The following KNCN variants were observed in gnomAD, a reference collection of about 807,000 sequenced individuals.
KNCN encodes kinocilin.
In KNCN, 11 loss-of-function variants were observed where a neutral mutation model predicts 10.4. The observed-to-expected ratio is 1.06, with a 90% CI of 0.67 to 1.75. KNCN has a LOEUF of 1.75. Among genes scored for constraint, KNCN ranks in the 40% most tolerant of loss-of-function variants. The pLI is 0.00. For synonymous variants in KNCN, 67 were observed against 71.6 expected, an observed-to-expected ratio of 0.94 and a Z score of 0.33; for missense variants, 172 against 167.1, an observed-to-expected ratio of 1.03 and a Z score of -0.16.
In KNCN at chr1:46,547,394, A is replaced by G. The variant is rs1381861149; in HGVS notation, c.*336T>C. On this transcript the variant is annotated 3_prime_UTR_variant, in exon 4 of 4. Transcript: ENST00000481882. Reference sequence around the variant, plus strand: ...GTCATAGTCAGGGCCTTGGACCCCAAATTCCAGAGAAACAAATCAGTAGAT... The same window carrying G: ...GTCATAGTCAGGGCCTTGGACCCCAGATTCCAGAGAAACAAATCAGTAGAT... 1 of 530,690 alleles carries G rather than the reference A, an allele frequency of 1.9e-6. No individual in the cohort carries two copies. The highest frequency in any genetic ancestry group is 3.6e-6 in the Non-Finnish European group (1 of 274,966). The allele number at this position is 530,690 out of a possible 1,614,324, so 32.9% of individuals were successfully genotyped here.
intron 3 of KNCN, 42 bp from the exon 4 acceptor site, chr1:46,547,851 G>A: frequency 7.2e-7 from 1 of 1,381,088 alleles, no homozygotes; most frequent in Non-Finnish European, 9.6e-7. Flanking sequence ...CCGTAGACAG[G>A]TCCCCATGGA....
intron 3 of KNCN, among the ~76,000 whole-genome samples, chr1:46,548,670 A>T (rs1363718494): frequency 6.6e-6 from 1 of 152,162 alleles, no homozygotes; most frequent in Non-Finnish European, 1.5e-5. Context: ...GCTGGGCAAG[A>T]CAGAAGCCCT....
chr1:46,551,607 T>G lies in KNCN; in HGVS notation c.-392A>C, dbSNP rs567938686. 2.4e-5 allele frequency: 4 copies of G among 164,010 alleles called. No homozygotes were observed. Among genetic ancestry groups the G allele is most frequent in the Non-Finnish European group, 3.9e-5 (3 of 76,366 alleles). 10.2% of individuals were successfully genotyped at this position (164,010 alleles called of 1,614,324 possible). On this transcript the variant is annotated 5_prime_UTR_variant, in exon 1 of 4. Coordinates refer to ENST00000481882, the MANE Select transcript of KNCN (RefSeq NM_001322255.2). This position sits in a 1 kb window ranked among gnomAD's most constrained non-coding sequence, Gnocchi z 4.0. ...CCACCCAGGAGAGTTCAAGCTCCCC[T>G]GCCCAGGACATCCTGCCCCAGCTTC... is the stretch of plus-strand genomic sequence containing the variant.
In KNCN at chr1:46,551,387, C is replaced by T; in HGVS notation, c.-172G>A. 1.6e-6 allele frequency: 1 copy of T among 625,476 alleles called. No homozygotes were observed. The highest frequency in any genetic ancestry group is 2.4e-5 in the South Asian group (1 of 42,466). The allele number at this position is 625,476 out of a possible 1,614,324, so 38.7% of individuals were successfully genotyped here. A position where few individuals can be genotyped will look rare whatever the true frequency, so the allele number is the denominator to read the frequency against. ...CTGGGATTTATCTGCAGTCCTATTCCACTGCTCCACTACGGGCCCCCCAGT... is the reference window on the plus strand; with the variant it reads ...CTGGGATTTATCTGCAGTCCTATTCTACTGCTCCACTACGGGCCCCCCAGT... On this transcript the variant is annotated 5_prime_UTR_variant, in exon 1 of 4. Transcript: ENST00000481882. This position sits in a 1 kb window ranked among gnomAD's most constrained non-coding sequence, Gnocchi z 4.0.
At position 46,551,093 on chromosome 1, in the gene KNCN, G is replaced by A. The variant is rs759454817; in HGVS notation, c.123C>T (p.Gly41=). Residue 41 remains glycine (G), a synonymous_variant, in exon 1 of 4, where the codon GGC becomes GGT. Coordinates refer to ENST00000481882, the MANE Select transcript of KNCN (RefSeq NM_001322255.2). This position sits in a 1 kb window ranked among gnomAD's most constrained non-coding sequence, Gnocchi z 4.0. ...GAACAGCAGCGCCAATAAAGACACCGCCCATGGCAGCTGCAGCCTTGGATA... is the reference window on the plus strand; with the variant it reads ...GAACAGCAGCGCCAATAAAGACACCACCCATGGCAGCTGCAGCCTTGGATA... ...ISVSKAAAAM[G]GVFIGAAVLG... 1.7e-5 allele frequency: 27 copies of A among 1,607,484 alleles called. No homozygotes were observed. The highest frequency in any genetic ancestry group is 5.5e-5 in the South Asian group (5 of 90,208).
At chr1:46,550,885 C>T (rs916927256) in intron 1 of KNCN, among the ~76,000 whole-genome samples, 180 bp downstream of exon 1, 1 of 152,120 alleles carries the variant, frequency 6.6e-6, no homozygotes, top group Non-Finnish European at 1.5e-5. Flanking sequence ...GAAGGAGCCC[C>T]AGCGCGTCGC....
At chr1:46,548,074 GC>G (rs1557804787) in intron 3 of KNCN, among the ~76,000 whole-genome samples, 1 of 152,226 alleles carries the variant, frequency 6.6e-6, no homozygotes, top group East Asian at 1.9e-4. Flanking sequence ...CCTGGTTTGA[GC>G]TTTGACTGCC....
chr1:46,547,752 G>GTCCCCGGC lies in KNCN; in HGVS notation c.345_352dup (p.Thr118SerfsTer117). 2.0e-6 allele frequency: 3 copies of GTCCCCGGC among 1,482,390 alleles called. No homozygotes were observed. Among genetic ancestry groups the GTCCCCGGC allele is most frequent in the Non-Finnish European group, 2.7e-6 (3 of 1,117,218 alleles). 91.8% of individuals were successfully genotyped at this position (1,482,390 alleles called of 1,614,324 possible). ...GCCTCAGCATTCCTCAGCCCCCCGG[G>GTCCCCGGC]TCCCCGGCTTCAGCTTCTCCAGGGT... On this transcript the variant is annotated frameshift_variant, in exon 4 of 4. Transcript: ENST00000481882. LOFTEE classifies it high-confidence loss of function.
In KNCN at chr1:46,549,914, G is replaced by A. The variant is rs774010519; in HGVS notation, c.220+20C>T. The A allele has an allele frequency of 2.6e-6, 4 of 1,550,468 alleles. No individual in the cohort carries two copies. The highest frequency in any genetic ancestry group is 2.6e-6 in the Non-Finnish European group (3 of 1,146,970). On this transcript the variant is annotated intron_variant, in intron 2 of 3. Transcript: ENST00000481882. ...CAGTCCTTGGCAGAGGGGTCTGCTG[G>A]GGTCAGGGAGAGGCCTCACCTATGG...
rs1211696689 is a variant in KNCN, at chr1:46,547,457, A to T, written c.*273T>A. On this transcript the variant is annotated 3_prime_UTR_variant, in exon 4 of 4. Transcript: ENST00000481882. Reference sequence around the variant, plus strand: ...AAAGCTGAGCTGCAGTCCAGAAAGAAAGGCCAGGGCAGGAGCCTGAAACAT... The same window carrying T: ...AAAGCTGAGCTGCAGTCCAGAAAGATAGGCCAGGGCAGGAGCCTGAAACAT... 2 of 672,258 alleles carry T rather than the reference A, an allele frequency of 3.0e-6. No homozygotes were observed. Among genetic ancestry groups the T allele is most frequent in the Admixed American group, 4.1e-5 (2 of 48,876 alleles). 41.6% of individuals were successfully genotyped at this position (672,258 alleles called of 1,614,324 possible).
At chr1:46,549,908 C>G in intron 2 of KNCN, 26 bp downstream of exon 2, 1 of 1,550,548 alleles carries the variant, frequency 6.4e-7, no homozygotes, top group Non-Finnish European at 8.7e-7. Flanking sequence ...GCAGAGGGGT[C>G]TGCTGGGGTC....
In KNCN at chr1:46,551,344, G is replaced by A; in HGVS notation, c.-129C>T. 9.7e-7 allele frequency: 1 copy of A among 1,031,098 alleles called. No individual in the cohort carries two copies. The highest frequency in any genetic ancestry group is 2.7e-5 in the East Asian group (1 of 36,906). 63.9% of individuals were successfully genotyped at this position (1,031,098 alleles called of 1,614,324 possible). A position where few individuals can be genotyped will look rare whatever the true frequency, so the allele number is the denominator to read the frequency against. ...CAGGGTAGGAGTTTCTGGGCAGTAA[G>A]ATGATAGGTGGGGAACCCTGGGATT... On this transcript the variant is annotated 5_prime_UTR_variant, in exon 1 of 4. Transcript: ENST00000481882. This position sits in a 1 kb window ranked among gnomAD's most constrained non-coding sequence, Gnocchi z 4.0.
rs930289452 is a variant in KNCN, at chr1:46,546,163, T to C, written c.*1567A>G. 1 of 152,234 alleles carries C rather than the reference T, an allele frequency of 6.6e-6. No homozygotes were observed. Among genetic ancestry groups the C allele is most frequent in the Non-Finnish European group, 1.5e-5 (1 of 68,068 alleles). 9.4% of individuals were successfully genotyped at this position (152,234 alleles called of 1,614,324 possible). ...AGATAGAGCCTTGGATAGGGAGAGA[T>C]AGGAGACCTGGCTGCAGGCCTGGCC... is the stretch of plus-strand genomic sequence containing the variant. On this transcript the variant is annotated 3_prime_UTR_variant, in exon 4 of 4. Coordinates refer to ENST00000481882, the MANE Select transcript of KNCN (RefSeq NM_001322255.2).
chr1:46,551,155 C>A lies in KNCN; in HGVS notation c.61G>T (p.Gly21Trp). ...ATAATGATGCTGCCAGCCACCAGCC[C>A]GAGAGCCACGCAGGCCAGCTGCAGG... ...RGLQLACVALGLVAGSIIIGI... is the reference protein window; with the variant it reads ...RGLQLACVALWLVAGSIIIGI... Residue 21 changes from glycine (G) to tryptophan (W), a missense_variant, in exon 1 of 4, where the codon GGG becomes TGG. Coordinates refer to ENST00000481882, the MANE Select transcript of KNCN (RefSeq NM_001322255.2). This position sits in a 1 kb window ranked among gnomAD's most constrained non-coding sequence, Gnocchi z 4.0. 5 of 1,610,970 alleles carry A rather than the reference C, an allele frequency of 3.1e-6. No individual in the cohort carries two copies. Among genetic ancestry groups the A allele is most frequent in the Non-Finnish European group, 4.2e-6 (5 of 1,178,630 alleles).
At position 46,546,749 on chromosome 1, in the gene KNCN, G is replaced by A. The variant is rs1191629188; in HGVS notation, c.*981C>T. ...GGTCTGGTGCTAGACACTAGAGCAGGGGCAACGTTCAGTAGACTTAAGATG... is the reference window on the plus strand; with the variant it reads ...GGTCTGGTGCTAGACACTAGAGCAGAGGCAACGTTCAGTAGACTTAAGATG... On this transcript the variant is annotated 3_prime_UTR_variant, in exon 4 of 4. Transcript: ENST00000481882. The A allele has an allele frequency of 6.5e-6, 1 of 153,656 alleles. No homozygotes were observed. The highest frequency in any genetic ancestry group is 1.4e-5 in the Non-Finnish European group (1 of 69,036). 9.5% of individuals were successfully genotyped at this position (153,656 alleles called of 1,614,324 possible).
Position 46,547,758 on chromosome 1 carries a change from G to A in KNCN, c.347C>T (p.Pro116Leu), listed in dbSNP as rs758129392. Residue 116 changes from proline (P) to leucine (L), a missense_variant, in exon 4 of 4, where the codon CCG (proline) becomes CTG (leucine). Pro to Leu is a moderately conservative substitution (Grantham distance 98, BLOSUM62 -3). Transcript: ENST00000481882. ...TVSRTLEKLK[P>L]GTRGAEEC ...GCATTCCTCAGCCCCCCGGGTCCCC[G>A]GCTTCAGCTTCTCCAGGGTCCTGCT... 4.7e-5 allele frequency: 69 copies of A among 1,480,338 alleles called. No homozygotes were observed. Among genetic ancestry groups the A allele is most frequent in the Non-Finnish European group, 5.8e-5 (65 of 1,116,392 alleles). The allele number at this position is 1,480,338 out of a possible 1,614,324, so 91.7% of individuals were successfully genotyped here.
chr1:46,550,054 G>T (rs916030067), intron 1 of KNCN, 52 bp from the exon 2 acceptor site: 3 of 1,550,080 alleles, frequency 1.9e-6, no homozygotes, highest in Non-Finnish European at 2.6e-6. Context: ...GGTGAGTGTT[G>T]AGGCTGTGGG....
rs1557805681 is a variant in KNCN, at chr1:46,550,005, G to A, written c.152-3C>T. 1 of 1,550,724 alleles carries A rather than the reference G, an allele frequency of 6.4e-7. No individual in the cohort carries two copies. The highest frequency in any genetic ancestry group is 2.4e-5 in the East Asian group (1 of 40,924). Reference sequence around the variant, plus strand: ...GGGGTAGGCCAAGATGAGGAGCCCTGAGAAGAGACACAGGGGGTTCTGTGA... The same window carrying A: ...GGGGTAGGCCAAGATGAGGAGCCCTAAGAAGAGACACAGGGGGTTCTGTGA... On this transcript the variant is annotated splice_region_variant and splice_polypyrimidine_tract_variant and intron_variant, in intron 1 of 3. Transcript: ENST00000481882.
chr1:46,551,004 C>G lies in KNCN; in HGVS notation c.151+61G>C, dbSNP rs972143362. The G allele has an allele frequency of 1.0e-5, 15 of 1,440,070 alleles. No individual in the cohort carries two copies. The highest frequency in any genetic ancestry group is 1.3e-5 in the Non-Finnish European group (14 of 1,065,522). The allele number at this position is 1,440,070 out of a possible 1,614,324, so 89.2% of individuals were successfully genotyped here. A position where few individuals can be genotyped will look rare whatever the true frequency, so the allele number is the denominator to read the frequency against. On this transcript the variant is annotated intron_variant, in intron 1 of 3. Coordinates refer to ENST00000481882, the MANE Select transcript of KNCN (RefSeq NM_001322255.2). The surrounding 1 kb of genome is among the most constrained non-coding windows in gnomAD (Gnocchi z 4.0). ...CCTTCCCTGTTCCTTGTTCACCTGA[C>G]GATGCCCCTGCCCCCACCTCCAGAA...
Sources: allele counts gnomAD v4.1 joint callset (sites outside exome capture counted in the v4.1 genomes callset), GRCh38; gene constraint gnomAD v4.1.1; non-coding constraint Gnocchi (gnomAD v3.1); transcripts MANE v1.5; gene names NCBI Gene and HGNC (gene_info 2026-07-23, HGNC 2026-07-21).